Variants in ZNRF2 observed in about 807,000 individuals in gnomAD.
The protein encoded by ZNRF2 is zinc and ring finger 2.
A neutral mutation model predicts 20.4 loss-of-function variants in ZNRF2; 16 were observed. That is an observed-to-expected ratio of 0.79 (90% CI 0.53 to 1.19). The LOEUF (loss-of-function observed/expected upper bound fraction) is 1.19, where lower values mean the gene tolerates loss of function less well. Ranked by LOEUF, ZNRF2 falls within the 50% of genes most tolerant of loss-of-function variation. The pLI is 0.00. For missense variants in ZNRF2, 363 were observed against 332.4 expected, an observed-to-expected ratio of 1.09 and a Z score of -0.72; for synonymous variants, 178 against 144.9, an observed-to-expected ratio of 1.23 and a Z score of -1.64.
At chr7:30,328,196 T>C (rs957414384) in intron 2 of ZNRF2, among the ~76,000 whole-genome samples, 9 of 152,180 alleles carry the variant, frequency 5.9e-5, no homozygotes, top group African/African-American at 1.9e-4. Flanking sequence ...TTGGCTCCTT[T>C]AATACCTCAT....
At chr7:30,362,884 G>A (rs1296563253) in intron 4 of ZNRF2, among the ~76,000 whole-genome samples, 1 of 152,202 alleles carries the variant, frequency 6.6e-6, no homozygotes, top group Non-Finnish European at 1.5e-5. Context: ...TTGGGAAGCC[G>A]AGGCGGGCGG....
At chr7:30,360,744 A>C (rs773741005) in intron 3 of ZNRF2, among the ~76,000 whole-genome samples, 5 of 152,206 alleles carry the variant, frequency 3.3e-5, no homozygotes, top group Non-Finnish European at 7.3e-5. Flanking sequence ...TAACAATTGC[A>C]AATCTCAAAT....
At chr7:30,298,805 C>CT (rs1451915842) in intron 1 of ZNRF2, among the ~76,000 whole-genome samples, 2 of 152,170 alleles carry the variant, frequency 1.3e-5, no homozygotes, top group Non-Finnish European at 2.9e-5. Context: ...GGCGATGAAT[C>CT]TTTCTCTTTT....
chr7:30,303,133 A>G (rs1799144888), intron 1 of ZNRF2, among the ~76,000 whole-genome samples: 2 of 151,888 alleles, frequency 1.3e-5, no homozygotes, highest in Admixed American at 6.6e-5. Context: ...ATAGAAAACA[A>G]TTATCCGGGC....
chr7:30,303,315 C>T (rs894264096), intron 1 of ZNRF2, among the ~76,000 whole-genome samples: 3 of 151,388 alleles, frequency 2.0e-5, no homozygotes, highest in Non-Finnish European at 2.9e-5. Context: ...CATTTTAATT[C>T]AGTATCTCCC....
intron 2 of ZNRF2, among the ~76,000 whole-genome samples, chr7:30,345,492 A>G (rs1194634104): frequency 6.6e-6 from 1 of 151,938 alleles, no homozygotes; most frequent in Non-Finnish European, 1.5e-5. Flanking sequence ...TTCAGAACCT[A>G]CACATTTGTA....
intron 2 of ZNRF2, among the ~76,000 whole-genome samples, chr7:30,354,250 G>C (rs187938973): frequency 6.6e-6 from 1 of 152,088 alleles, no homozygotes; most frequent in African/African-American, 2.4e-5. Context: ...ATCTTTACCT[G>C]CTTAAGTTTC....
chr7:30,309,310 G>T (rs1799255468), intron 1 of ZNRF2, among the ~76,000 whole-genome samples: 1 of 152,076 alleles, frequency 6.6e-6, no homozygotes, highest in Non-Finnish European at 1.5e-5. Flanking sequence ...GTCAAATTTA[G>T]ATTTCTTAAA....
chr7:30,312,271 A>G (rs1216548969), intron 1 of ZNRF2, among the ~76,000 whole-genome samples: 1 of 152,152 alleles, frequency 6.6e-6, no homozygotes, highest in African/African-American at 2.4e-5. Flanking sequence ...GCGAGCTACT[A>G]TGCCAGCCCT....
intron 1 of ZNRF2, among the ~76,000 whole-genome samples, chr7:30,314,609 C>G (rs568303505): frequency 6.6e-6 from 1 of 152,034 alleles, no homozygotes; most frequent in South Asian, 2.1e-4. Context: ...AAGGGGGCAT[C>G]TCTGCAGTGT....
At chr7:30,286,456 T>C (rs1443923291) in intron 1 of ZNRF2, among the ~76,000 whole-genome samples, 1 of 152,196 alleles carries the variant, frequency 6.6e-6, no homozygotes, top group African/African-American at 2.4e-5. Flanking sequence ...GGAAAGCATT[T>C]AAAAAATGGA....
intron 2 of ZNRF2, among the ~76,000 whole-genome samples, chr7:30,349,730 T>G (rs1036399108): frequency 5.3e-5 from 8 of 152,158 alleles, no homozygotes; most frequent in Admixed American, 1.3e-4. Context: ...ATATTAGCTT[T>G]GTTGTGTTTT....
chr7:30,319,820 C>T (rs1163896884), intron 1 of ZNRF2, among the ~76,000 whole-genome samples: 1 of 152,168 alleles, frequency 6.6e-6, no homozygotes, highest in Non-Finnish European at 1.5e-5. Context: ...TGATCTGGTT[C>T]ATCTCTACTG....
intron 2 of ZNRF2, among the ~76,000 whole-genome samples, chr7:30,352,412 G>A (rs1349951145): frequency 2.0e-5 from 3 of 151,942 alleles, no homozygotes; most frequent in African/African-American, 7.2e-5. Context: ...CGTAATCATT[G>A]CTCTTTTCCA....
intron 1 of ZNRF2, among the ~76,000 whole-genome samples, chr7:30,286,743 C>T (rs1798797406): frequency 1.3e-5 from 2 of 152,210 alleles, no homozygotes; most frequent in African/African-American, 4.8e-5. Context: ...CTCCCCTCTC[C>T]CCTTTATGAA....
chr7:30,358,361 GAT>G (rs1273784568), intron 3 of ZNRF2, among the ~76,000 whole-genome samples: 1 of 152,130 alleles, frequency 6.6e-6, no homozygotes, highest in Non-Finnish European at 1.5e-5. Flanking sequence ...TTTTATAAAA[GAT>G]ATGTAAGACT....
chr7:30,323,621 T>G, intron 1 of ZNRF2, 21 bp from the exon 2 acceptor site: 14 of 1,490,174 alleles, frequency 9.4e-6, no homozygotes, highest in African/African-American at 1.4e-5. Context: ...TTAAGTAACT[T>G]GAGTTTCTTT....
intron 2 of ZNRF2, among the ~76,000 whole-genome samples, chr7:30,347,502 G>T (rs1002682247): frequency 2.0e-5 from 3 of 151,996 alleles, no homozygotes; most frequent in African/African-American, 7.3e-5. Context: ...CCAGTGAAAA[G>T]AAATAAACCT....
intron 2 of ZNRF2, among the ~76,000 whole-genome samples, chr7:30,354,611 A>C (rs914425276): frequency 6.6e-6 from 1 of 152,204 alleles, no homozygotes; most frequent in Non-Finnish European, 1.5e-5. Context: ...TCAAACAAAT[A>C]CTTAACTTTA....
Sources: allele counts gnomAD v4.1 joint callset (sites outside exome capture counted in the v4.1 genomes callset), GRCh38; gene constraint gnomAD v4.1.1; transcripts MANE v1.5; gene names NCBI Gene and HGNC (gene_info 2026-07-23, HGNC 2026-07-21).